The following TMEM163 variants were observed in gnomAD, a reference collection of about 807,000 sequenced individuals.
TMEM163 encodes the protein transmembrane protein 163.
A neutral mutation model predicts 29.3 loss-of-function variants in TMEM163; 17 were observed. The observed-to-expected ratio is 0.58, with a 90% CI of 0.40 to 0.87. The LOEUF is 0.87. Ranked by LOEUF, TMEM163 falls within the 40% of genes least tolerant of loss-of-function variation. The pLI, the probability that TMEM163 is intolerant of heterozygous loss-of-function variation, is 0.00. For synonymous variants in TMEM163, 157 were observed against 160.6 expected (o/e 0.98, Z 0.17); for missense variants, 303 against 381.5 (o/e 0.79, Z 1.71).
intron 4 of TMEM163, among the ~76,000 whole-genome samples, chr2:134,507,812 G>A (rs1400420403): frequency 2.0e-5 from 3 of 152,104 alleles, no homozygotes; most frequent in Admixed American, 1.3e-4. Context: ...AGCCATGATC[G>A]TGCCACTGCA....
intron 4 of TMEM163, among the ~76,000 whole-genome samples, chr2:134,512,865 G>C (rs925456804): frequency 6.6e-6 from 1 of 152,190 alleles, no homozygotes; most frequent in African/African-American, 2.4e-5. Flanking sequence ...GTTCACCAAG[G>C]GCAGAAACAG....
intron 2 of TMEM163, among the ~76,000 whole-genome samples, chr2:134,595,997 A>G (rs1233049044): frequency 1.3e-5 from 2 of 152,124 alleles, no homozygotes; most frequent in Non-Finnish European, 2.9e-5. Context: ...AGTTCTTTGT[A>G]GATTCTGGAT....
At chr2:134,458,677 T>A (rs975391656) in intron 6 of TMEM163, 1 of 155,932 alleles carries the variant, frequency 6.4e-6, no homozygotes, top group Non-Finnish European at 1.4e-5. Context: ...TGCTTTCCGA[T>A]GAGAAAACTA....
intron 5 of TMEM163, among the ~76,000 whole-genome samples, chr2:134,490,092 C>T (rs565484624): frequency 1.3e-5 from 2 of 152,344 alleles, no homozygotes; most frequent in South Asian, 2.1e-4. Context: ...CAAGAGTTTA[C>T]AGTCTCCTTT....
chr2:134,515,376 A>G (rs2106492637), intron 4 of TMEM163, among the ~76,000 whole-genome samples: 1 of 152,374 alleles, frequency 6.6e-6, no homozygotes, highest in African/African-American at 2.4e-5. Flanking sequence ...CAGGCTTCTC[A>G]GCATAACATG....
At chr2:134,696,618 T>G (rs1353572066) in intron 2 of TMEM163, among the ~76,000 whole-genome samples, 1 of 152,228 alleles carries the variant, frequency 6.6e-6, no homozygotes, top group African/African-American at 2.4e-5. Flanking sequence ...ATATTAGATT[T>G]ATTCCTTTTG....
At chr2:134,558,972 C>T (rs76252294) in intron 2 of TMEM163, among the ~76,000 whole-genome samples, 5,307 of 152,304 alleles carry the variant, frequency 0.035, 331 homozygotes, top group African/African-American at 0.12. Flanking sequence ...AATGGAGAAC[C>T]ATCTTTCCAT....
rs372455794 is a variant in TMEM163 at position 134,677,126 on chromosome 2, G to A, written c.322+36074C>T. On this transcript the variant is annotated intron_variant, in intron 2 of 7. Coordinates refer to ENST00000281924, the MANE Select transcript of TMEM163 (RefSeq NM_030923.5). ...TCCAAATCAAAGCAGGTCAGCTTCC[G>A]GCGACCCTGCTCTTCTCGCTTCCTT... Among the ~76,000 whole-genome samples the A allele has an allele frequency of 2.4e-4, 37 of 152,178 alleles. No individual in the cohort carries two copies. In the South Asian group the frequency reaches 4.4e-3, roughly 18 times the overall value.
intron 4 of TMEM163, among the ~76,000 whole-genome samples, chr2:134,512,209 G>A (rs904139701): frequency 3.9e-5 from 6 of 152,186 alleles, no homozygotes; most frequent in African/African-American, 1.4e-4. Context: ...TGTAATCTCA[G>A]CACTTTGGGA....
intron 5 of TMEM163, among the ~76,000 whole-genome samples, chr2:134,495,945 CT>C (rs1250220115): frequency 4.6e-5 from 7 of 152,220 alleles, no homozygotes; most frequent in African/African-American, 1.7e-4. Context: ...CCATTGCCCC[CT>C]GGAAGCTCCC....
At chr2:134,610,820 G>A (rs970258499) in intron 2 of TMEM163, among the ~76,000 whole-genome samples, 23 of 152,266 alleles carry the variant, frequency 1.5e-4, no homozygotes, top group South Asian at 6.2e-4. Flanking sequence ...AACACAGCAC[G>A]AGGGGACCCA....
chr2:134,682,395 T>C (rs929495642), intron 2 of TMEM163, among the ~76,000 whole-genome samples: 5 of 152,216 alleles, frequency 3.3e-5, no homozygotes, highest in Non-Finnish European at 5.9e-5. Flanking sequence ...GGGTCAAAGC[T>C]GTGTCTCAGT....
chr2:134,495,387 G>A (rs1350119201), intron 5 of TMEM163, among the ~76,000 whole-genome samples: 1 of 152,176 alleles, frequency 6.6e-6, no homozygotes, highest in Non-Finnish European at 1.5e-5. Flanking sequence ...TGTAGACAAG[G>A]GTGTGGGGAG....
intron 2 of TMEM163, among the ~76,000 whole-genome samples, chr2:134,617,888 G>C (rs769547661): frequency 7.2e-5 from 11 of 151,926 alleles, no homozygotes; most frequent in Non-Finnish European, 1.6e-4. Flanking sequence ...AGGTGGGAGG[G>C]GGGCTTGAGC....
intron 2 of TMEM163, among the ~76,000 whole-genome samples, chr2:134,638,946 C>A (rs184713537): frequency 4.6e-5 from 7 of 152,260 alleles, no homozygotes; most frequent in African/African-American, 1.4e-4. Flanking sequence ...GGAATGGGAA[C>A]AGACCTTTAG....
chr2:134,480,871 T>C (rs1242301016), intron 5 of TMEM163, among the ~76,000 whole-genome samples: 1 of 152,208 alleles, frequency 6.6e-6, no homozygotes, highest in East Asian at 1.9e-4. Context: ...GTAATTAGCA[T>C]ACAATAAAGG....
At chr2:134,644,951 A>G (rs4953922) in intron 2 of TMEM163, among the ~76,000 whole-genome samples, 24,451 of 152,228 alleles carry the variant, frequency 0.16, 2,304 homozygotes, top group Middle Eastern at 0.4. Flanking sequence ...AAAAACGGTT[A>G]AAAGCCTTGA....
chr2:134,633,669 T>C (rs972134136), intron 2 of TMEM163, among the ~76,000 whole-genome samples: 1 of 152,026 alleles, frequency 6.6e-6, no homozygotes, highest in South Asian at 2.1e-4. Context: ...TCTTAAAATA[T>C]GCCTGGTTTA....
chr2:134,715,587 G>A (rs902241263), intron 1 of TMEM163, among the ~76,000 whole-genome samples: 2 of 151,626 alleles, frequency 1.3e-5, no homozygotes, highest in Non-Finnish European at 2.9e-5. Context: ...TCCTAAGAAT[G>A]GAAAACTTTG....
Sources: gnomAD v4.1 joint callset for allele counts (sites outside exome capture counted in the v4.1 genomes callset) on GRCh38, gnomAD v4.1.1 for gene constraint, MANE v1.5 for transcripts, NCBI Gene and HGNC (gene_info 2026-07-23, HGNC 2026-07-21) for gene names.